Variants in USP25 observed in about 807,000 individuals in gnomAD.
USP25 encodes the protein ubiquitin carboxyl-terminal hydrolase 25.
Under a neutral mutation model 158.5 loss-of-function variants are expected in USP25, and 85 were observed. That is an observed-to-expected ratio of 0.54 (90% CI 0.45 to 0.64). The LOEUF (loss-of-function observed/expected upper bound fraction) is 0.64, where lower values mean the gene tolerates loss of function less well. USP25 is among the 30% of genes least tolerant of loss of function. The probability of loss-of-function intolerance (pLI) is 0.00; values close to 1 mark genes in which losing one functional copy is unlikely to be tolerated. For missense variants in USP25, 1,242 were observed against 1,327.3 expected (o/e 0.94, Z 1.00); for synonymous variants, 464 against 460.4 (o/e 1.01, Z -0.10).
chr21:15,809,279 C>G (rs956654134), intron 8 of USP25, among the ~76,000 whole-genome samples: 1 of 152,066 alleles, frequency 6.6e-6, no homozygotes, highest in Non-Finnish European at 1.5e-5. Flanking sequence ...CTCAGGGCCC[C>G]GAGGTCACCT....
rs565193135 is a variant in USP25, at chr21:15,766,419, A to G, written c.268+278A>G. Among the ~76,000 whole-genome samples, 43 of 152,196 alleles carry G rather than the reference A, an allele frequency of 2.8e-4. No homozygotes were observed. Among genetic ancestry groups the G allele is most frequent in the Admixed American group, 2.8e-3 (43 of 15,268 alleles). On this transcript the variant is annotated intron_variant, in intron 3 of 25. Transcript: ENST00000400183. The surrounding 1 kb of genome is among the most constrained non-coding windows in gnomAD (Gnocchi z 4.0). ...TGCAGATATATTCATAAAAGGAAGA[A>G]CTAGAATTTTTAGTGGGCACAGTTA... is the stretch of plus-strand genomic sequence containing the variant.
chr21:15,787,604 A>G (rs545052421), intron 4 of USP25, among the ~76,000 whole-genome samples: 27 of 152,228 alleles, frequency 1.8e-4, no homozygotes, highest in Middle Eastern at 3.4e-3. Context: ...TTGGAAGACC[A>G]TTGTTAAACT....
At chr21:15,859,977 A>ATC (rs1475531766) in intron 20 of USP25, among the ~76,000 whole-genome samples, 1 of 144,312 alleles carries the variant, frequency 6.9e-6, no homozygotes, top group African/African-American at 2.6e-5. Flanking sequence ...ATGTATATAT[A>ATC]TATATATATC....
chr21:15,730,747 T>C (rs1357948179), intron 1 of USP25, among the ~76,000 whole-genome samples: 3 of 152,214 alleles, frequency 2.0e-5, no homozygotes, highest in African/African-American at 2.4e-5. Flanking sequence ...AATGAAACTT[T>C]ATTCTCTCCC....
chr21:15,795,702 T>A (rs1252591109), intron 5 of USP25, among the ~76,000 whole-genome samples: 1 of 151,642 alleles, frequency 6.6e-6, no homozygotes, highest in African/African-American at 2.4e-5. Context: ...CTGAGTCATT[T>A]AAGATCTCCA....
chr21:15,789,675 G>A (rs1471945440), intron 4 of USP25, among the ~76,000 whole-genome samples: 1 of 151,708 alleles, frequency 6.6e-6, no homozygotes, highest in South Asian at 2.1e-4. Flanking sequence ...TTTGTTTTAT[G>A]GTATCGTTTT....
chr21:15,870,952 T>G (rs1379147733), intron 23 of USP25, among the ~76,000 whole-genome samples: 1 of 152,216 alleles, frequency 6.6e-6, no homozygotes, highest in Non-Finnish European at 1.5e-5. Flanking sequence ...ACTAAAACTT[T>G]TAAAACCAAA....
At chr21:15,733,143 C>A (rs993419549) in intron 1 of USP25, among the ~76,000 whole-genome samples, 2 of 43,068 alleles carry the variant, frequency 4.6e-5, no homozygotes, top group Non-Finnish European at 1.8e-4. Flanking sequence ...CCCCCCCCCC[C>A]CCCCCAATCT....
chr21:15,749,012 GT>G (rs767718453), intron 1 of USP25, among the ~76,000 whole-genome samples: 295 of 145,002 alleles, frequency 2.0e-3, no homozygotes, highest in African/African-American at 4.6e-3. Context: ...TCTCAAGTGT[GT>G]TTTTTTTTTT....
At chr21:15,824,494 GTATC>G (rs991489460) in intron 11 of USP25, among the ~76,000 whole-genome samples, 13 of 151,654 alleles carry the variant, frequency 8.6e-5, no homozygotes, top group Non-Finnish European at 1.6e-4. Flanking sequence ...ACTTAATATT[GTATC>G]TATCTATCTT....
chr21:15,818,689 T>G lies in USP25; in HGVS notation c.932-9T>G. The stretch of plus-strand genomic sequence containing the variant: ...TATTGAGTATTATTAATTTTCTCCC[T>G]TCTTATAGGTAAAAAATTTGAAAAC... On this transcript the variant is annotated splice_polypyrimidine_tract_variant and intron_variant, in intron 9 of 25. Transcript: ENST00000400183. 1 of 1,602,114 alleles carries G rather than the reference T, an allele frequency of 6.2e-7. No homozygotes were observed. Among genetic ancestry groups the G allele is most frequent in the Non-Finnish European group, 8.5e-7 (1 of 1,173,552 alleles).
At chr21:15,866,747 C>T (rs890260602) in intron 22 of USP25, among the ~76,000 whole-genome samples, 1 of 151,898 alleles carries the variant, frequency 6.6e-6, no homozygotes, top group Non-Finnish European at 1.5e-5. Flanking sequence ...TTGTCTAAGC[C>T]CTTTACATAT....
At chr21:15,849,282 G>A (rs1212300836) in intron 19 of USP25, among the ~76,000 whole-genome samples, 4 of 152,150 alleles carry the variant, frequency 2.6e-5, no homozygotes, top group Non-Finnish European at 5.9e-5. Context: ...CAGTGCATGT[G>A]CATTGGAACT....
intron 16 of USP25, among the ~76,000 whole-genome samples, chr21:15,832,172 C>G (rs1225053297): frequency 6.6e-6 from 1 of 152,110 alleles, no homozygotes; most frequent in Non-Finnish European, 1.5e-5. Flanking sequence ...CTTGATCTGC[C>G]AAAAAGTATC....
Position 15,778,014 on chromosome 21 carries a change from C to CTG in USP25, c.379_380insTG (p.Gln127LeufsTer12). The CTG allele has an allele frequency of 6.2e-7, 1 of 1,603,248 alleles. No individual in the cohort carries two copies. The highest frequency in any genetic ancestry group is 8.5e-7 in the Non-Finnish European group (1 of 1,176,836). ...GGAGACTGGAATAACTGATGAGGAACAAGCCATTAGCAGGTAAAAACATAA... is the reference window on the plus strand; with the variant it reads ...GGAGACTGGAATAACTGATGAGGAACTGAAGCCATTAGCAGGTAAAAACATAA... On this transcript the variant is annotated frameshift_variant, in exon 4 of 26. Transcript: ENST00000400183. LOFTEE classifies it high-confidence loss of function.
At chr21:15,812,387 G>A (rs1041854408) in intron 9 of USP25, among the ~76,000 whole-genome samples, 1 of 152,228 alleles carries the variant, frequency 6.6e-6, no homozygotes, top group South Asian at 2.1e-4. Flanking sequence ...GGTGGCTCAT[G>A]CCTGTAATCC....
intron 10 of USP25, among the ~76,000 whole-genome samples, chr21:15,819,647 T>G (rs1201303168): frequency 1.6e-4 from 25 of 152,168 alleles, no homozygotes. Flanking sequence ...GAATGAAATG[T>G]CTTGGTGCTT....
At chr21:15,838,157 G>A (rs1236066486) in intron 17 of USP25, among the ~76,000 whole-genome samples, 1 of 151,588 alleles carries the variant, frequency 6.6e-6, no homozygotes, top group African/African-American at 2.4e-5. Context: ...TCAAATTCCT[G>A]AGCTCAGGCA....
At chr21:15,731,705 A>C (rs1029835332) in intron 1 of USP25, among the ~76,000 whole-genome samples, 1 of 152,224 alleles carries the variant, frequency 6.6e-6, no homozygotes, top group Admixed American at 6.5e-5. Context: ...AGTTAGAAGG[A>C]TATTGCACAC....
Sources: gnomAD v4.1 joint callset for allele counts (sites outside exome capture counted in the v4.1 genomes callset) on GRCh38, gnomAD v4.1.1 for gene constraint, Gnocchi (gnomAD v3.1) non-coding constraint, MANE v1.5 for transcripts, NCBI Gene and HGNC (gene_info 2026-07-23, HGNC 2026-07-21) for gene names.